Variants in DLG2 observed in about 807,000 individuals in gnomAD.
DLG2 encodes the protein discs large MAGUK scaffold protein 2, also known as disks large homolog 2.
DLG2 carries 45 observed loss-of-function variants against 132.5 expected under a neutral mutation model. The ratio of observed to expected loss-of-function variants is 0.34; its 90% CI spans 0.27 to 0.44. The LOEUF (loss-of-function observed/expected upper bound fraction) is 0.44. Among genes scored for constraint, DLG2 ranks in the 20% least tolerant of loss-of-function variants. The probability of loss-of-function intolerance (pLI) is 1.00; values close to 1 mark genes in which losing one functional copy is unlikely to be tolerated. For missense variants in DLG2, 1,045 were observed against 1,196.9 expected, an observed-to-expected ratio of 0.87 and a Z score of 1.87; for synonymous variants, 424 against 419.6, an observed-to-expected ratio of 1.01 and a Z score of -0.13.
chr11:84,288,080 A>G (rs2154374098), intron 7 of DLG2, among the ~76,000 whole-genome samples: 1 of 152,188 alleles, frequency 6.6e-6, no homozygotes, highest in South Asian at 2.1e-4. Flanking sequence ...CTGGGTAGCT[A>G]TTCACTTCAC....
chr11:85,471,423 C>T (rs2092979823), intron 3 of DLG2, among the ~76,000 whole-genome samples: 1 of 151,868 alleles, frequency 6.6e-6, no homozygotes, highest in South Asian at 2.1e-4. Flanking sequence ...AAAAAGGGAA[C>T]AATCTGAAAA....
intron 3 of DLG2, among the ~76,000 whole-genome samples, chr11:85,484,685 T>C (rs2093387002): frequency 6.6e-6 from 1 of 151,820 alleles, no homozygotes; most frequent in African/African-American, 2.4e-5. Flanking sequence ...TGGCTATCAT[T>C]AAAAAGTCAG....
chr11:84,984,723 C>A lies in DLG2; in HGVS notation c.357+126938G>T, dbSNP rs1446209967. Among the ~76,000 whole-genome samples the A allele has an allele frequency of 4.0e-5, 6 of 151,892 alleles. No individual in the cohort carries two copies. In the East Asian group the frequency reaches 1.2e-3, roughly 29 times the overall value. On this transcript the variant is annotated intron_variant, in intron 6 of 27. Coordinates refer to ENST00000376104, the MANE Select transcript of DLG2 (RefSeq NM_001142699.3). ...ATTGCAGAATGGATAAGAATTCATT[C>A]TCTGCTGCCTTCAAGAGACACACCT... is the stretch of plus-strand genomic sequence containing the variant.
intron 4 of DLG2, among the ~76,000 whole-genome samples, chr11:85,171,422 G>C (rs575155483): frequency 1.2e-3 from 185 of 152,258 alleles, no homozygotes; most frequent in Non-Finnish European, 1.7e-3. Context: ...AGATCCCCTC[G>C]TGAGCCAATG....
chr11:84,885,852 T>C (rs1398837112), intron 6 of DLG2, among the ~76,000 whole-genome samples: 1 of 122,198 alleles, frequency 8.2e-6, no homozygotes, highest in Admixed American at 7.4e-5. Context: ...GGGAAAAGTG[T>C]AAAAACTGCA....
chr11:84,434,820 C>A (rs1325586283), intron 7 of DLG2, among the ~76,000 whole-genome samples: 1 of 150,028 alleles, frequency 6.7e-6, no homozygotes, highest in African/African-American at 2.5e-5. Flanking sequence ...TAACCCCAAC[C>A]TTGAGGAAAA....
chr11:85,507,673 C>A (rs930801050), intron 3 of DLG2, among the ~76,000 whole-genome samples: 1 of 152,094 alleles, frequency 6.6e-6, no homozygotes, highest in Non-Finnish European at 1.5e-5. Context: ...GTGAATCTGA[C>A]AATTATGTGT....
In DLG2 at chr11:83,601,304, A is replaced by T. The variant is rs76548741; in HGVS notation, c.1940+31907T>A. Among the ~76,000 whole-genome samples the T allele has an allele frequency of 6.5e-3, 986 of 152,148 alleles. 14 individuals carry two copies. The highest frequency in any genetic ancestry group is 0.023 in the African/African-American group (950 of 41,494). ...ATTCTATATGGGCTAGTAGTTTCCA[A>T]ACTTAGTTTAATTCCCTAAGGTGTT... On this transcript the variant is annotated intron_variant, in intron 19 of 27. Transcript: ENST00000376104.
chr11:84,850,155 T>C (rs1355509439), intron 6 of DLG2, among the ~76,000 whole-genome samples: 1 of 152,162 alleles, frequency 6.6e-6, no homozygotes, highest in Non-Finnish European at 1.5e-5. Flanking sequence ...ACACTAATGC[T>C]GCTTGAAGAT....
chr11:85,065,925 A>G (rs537228932), intron 6 of DLG2, among the ~76,000 whole-genome samples: 2 of 151,648 alleles, frequency 1.3e-5, no homozygotes, highest in Admixed American at 6.6e-5. Context: ...AAAGGAATAA[A>G]CCAAACCCAA....
At chr11:85,593,309 C>G (rs1317119921) in intron 3 of DLG2, among the ~76,000 whole-genome samples, 1 of 152,138 alleles carries the variant, frequency 6.6e-6, no homozygotes. Context: ...AATACCTAAC[C>G]ATTTAGAACA....
intron 19 of DLG2, among the ~76,000 whole-genome samples, chr11:83,610,852 AAAC>A (rs2060014104): frequency 2.0e-5 from 3 of 152,168 alleles, no homozygotes; most frequent in African/African-American, 4.8e-5. Flanking sequence ...GACTTAGAGA[AAAC>A]AACATTTTCC....
At position 84,672,944 on chromosome 11, in the gene DLG2, A is replaced by G. The variant is rs117567723; in HGVS notation, c.358-138213T>C. Among the ~76,000 whole-genome samples, 911 of 152,242 alleles carry G rather than the reference A, an allele frequency of 6.0e-3. 4 individuals are homozygous for G. Among genetic ancestry groups the G allele is most frequent in the Non-Finnish European group, 0.01 (685 of 68,000 alleles). On this transcript the variant is annotated intron_variant, in intron 6 of 27. Coordinates refer to ENST00000376104, the MANE Select transcript of DLG2 (RefSeq NM_001142699.3). ...TCATGGCAGAAAGCAAAGCAGGAAC[A>G]GTTATGTTACATGGAAAGAGCAGGA...
chr11:85,481,974 G>C (rs1409766683), intron 3 of DLG2, among the ~76,000 whole-genome samples: 1 of 152,028 alleles, frequency 6.6e-6, no homozygotes, highest in Non-Finnish European at 1.5e-5. Context: ...GCAAATTTGA[G>C]CTCCAAGCCT....
chr11:83,863,777 G>A (rs1271029945), intron 16 of DLG2, among the ~76,000 whole-genome samples: 1 of 152,224 alleles, frequency 6.6e-6, no homozygotes, highest in East Asian at 1.9e-4. Flanking sequence ...TGCGGAGCCA[G>A]AATTTAAATG....
At chr11:84,168,221 T>C (rs1228686261) in intron 8 of DLG2, among the ~76,000 whole-genome samples, 1 of 152,216 alleles carries the variant, frequency 6.6e-6, no homozygotes, top group Non-Finnish European at 1.5e-5. Context: ...GAGTGATATC[T>C]AATATTTAAA....
At chr11:83,511,861 G>A (rs949183257) in intron 21 of DLG2, among the ~76,000 whole-genome samples, 1 of 151,898 alleles carries the variant, frequency 6.6e-6, no homozygotes, top group Non-Finnish European at 1.5e-5. Flanking sequence ...ACTGCACCTG[G>A]CTTAAAAGCT....
chr11:83,588,191 A>G (rs11233686), intron 19 of DLG2, among the ~76,000 whole-genome samples: 6,532 of 151,882 alleles, frequency 0.043, 167 homozygotes, highest in South Asian at 0.11. Flanking sequence ...GGGCACAGAC[A>G]AACAAAAAGA....
intron 6 of DLG2, among the ~76,000 whole-genome samples, chr11:84,944,656 G>A (rs2049957981): frequency 6.7e-6 from 1 of 149,204 alleles, no homozygotes; most frequent in Non-Finnish European, 1.5e-5. Flanking sequence ...CCAGGCTGGA[G>A]TGCAGTGGCA....
Sources: allele counts gnomAD v4.1 joint callset (sites outside exome capture counted in the v4.1 genomes callset), GRCh38; gene constraint gnomAD v4.1.1; transcripts MANE v1.5; gene names NCBI Gene and HGNC (gene_info 2026-07-23, HGNC 2026-07-21).